The following WDR62 variants were observed in gnomAD, a reference collection of about 807,000 sequenced individuals.
WDR62 encodes the protein WD repeat domain 62, also known as WD repeat-containing protein 62.
WDR62 carries 112 observed loss-of-function variants against 160.6 expected under a neutral mutation model. The ratio of observed to expected loss-of-function variants is 0.70; its 90% CI spans 0.60 to 0.82. The LOEUF is 0.82. Ranked by LOEUF, WDR62 falls within the 40% of genes least tolerant of loss-of-function variation. WDR62 has a pLI of 0.00. For missense variants in WDR62, 1,819 were observed against 1,983.8 expected (o/e 0.92, Z 1.58); for synonymous variants, 792 against 815.1 (o/e 0.97, Z 0.48).
At position 36,102,129 on chromosome 19, in the gene WDR62, A is replaced by G. The variant is rs377379107; in HGVS notation, c.3198A>G (p.Thr1066=). Residue 1066 remains threonine, a synonymous_variant, in exon 26 of 32, where the codon ACA becomes ACG. Coordinates refer to ENST00000401500, the MANE Select transcript of WDR62 (RefSeq NM_001083961.2). ...QEKFLRHHFE[T]LTESPCRELF... is the part of the protein sequence containing the mutation. Reference sequence around the variant, plus strand: ...AGTTCCTCCGCCACCACTTTGAGACACTGACTGAGTCCCCCTGCAGAGGTA... The same window carrying G: ...AGTTCCTCCGCCACCACTTTGAGACGCTGACTGAGTCCCCCTGCAGAGGTA... The G allele has an allele frequency of 5.0e-6, 8 of 1,613,926 alleles. No individual in the cohort carries two copies. The highest frequency in any genetic ancestry group is 1.6e-4 in the Middle Eastern group (1 of 6,084).
intron 9 of WDR62, among the ~76,000 whole-genome samples, chr19:36,074,709 G>C (rs751612017): frequency 6.6e-6 from 1 of 152,054 alleles, no homozygotes; most frequent in Non-Finnish European, 1.5e-5. Flanking sequence ...GCCTTCATGG[G>C]GCTGACGTTT....
At chr19:36,089,361 C>T in intron 15 of WDR62, 55 bp downstream of exon 15, 2 of 1,613,852 alleles carry the variant, frequency 1.2e-6, no homozygotes, top group East Asian at 2.2e-5. Context: ...CCTAGGCTGT[C>T]TGCTTTCCTC....
intron 9 of WDR62, among the ~76,000 whole-genome samples, chr19:36,077,539 C>T (rs1405994313): frequency 6.6e-6 from 1 of 152,048 alleles, no homozygotes; most frequent in East Asian, 1.9e-4. Flanking sequence ...CTCAGCCTCC[C>T]AAAGTGGTGG....
At chr19:36,064,778 G>C (rs377441445) in intron 3 of WDR62, among the ~76,000 whole-genome samples, 1 of 151,226 alleles carries the variant, frequency 6.6e-6, no homozygotes, top group Non-Finnish European at 1.5e-5. Flanking sequence ...GGGTTTTGTC[G>C]TGTTGGCCAG....
rs758904650 is a variant in WDR62 at position 36,103,738 on chromosome 19, G to A, written c.3910G>A (p.Ala1304Thr). The part of the protein sequence containing the change: ...RANLRLTLSS[A>T]CDGLLQPPVD... The stretch of plus-strand genomic sequence containing the variant: ...CAACCTGAGACTGACCCTGTCAAGT[G>A]CCTGTGATGGGCTCCTGCAGCCCCC... Residue 1304 changes from alanine (A) to threonine (T), a missense_variant, in exon 30 of 32, where the codon GCC (alanine) becomes ACC (threonine). Ala to Thr is a moderately conservative substitution (Grantham distance 58, BLOSUM62 0). Around this residue, in one of 3 missense-constraint regions of WDR62, gnomAD observed 770 missense variants for 734.2 expected, o/e 1.05. Transcript: ENST00000401500. 9.9e-6 allele frequency: 16 copies of A among 1,611,408 alleles called. No individual in the cohort carries two copies. Among genetic ancestry groups the A allele is most frequent in the Non-Finnish European group, 1.4e-5 (16 of 1,179,962 alleles).
At chr19:36,082,918 A>C in intron 10 of WDR62, 145 bp from the exon 11 acceptor site, 1 of 712,184 alleles carries the variant, frequency 1.4e-6, no homozygotes, top group Non-Finnish European at 2.5e-6. Context: ...AGGGGAGGCA[A>C]GGAAATAATT....
intron 13 of WDR62, among the ~76,000 whole-genome samples, chr19:36,087,534 A>G (rs891496622): frequency 1.3e-5 from 2 of 150,896 alleles, no homozygotes; most frequent in African/African-American, 2.4e-5. Context: ...AGAAGAATAT[A>G]GGCCGGGCGT....
At chr19:36,110,453 A>T in the WDR62 span, among the ~76,000 whole-genome samples, 1 of 152,172 alleles carries the variant, frequency 6.6e-6, no homozygotes, top group African/African-American at 2.4e-5. Flanking sequence ...CCTGGGCAAC[A>T]AGAGTGAAAC....
chr19:36,084,778 G>A, intron 12 of WDR62, 34 bp downstream of exon 12: 1 of 1,594,176 alleles, frequency 6.3e-7, no homozygotes. Flanking sequence ...TGGGGGTCAG[G>A]CAGGGAGGCA....
At position 36,083,173 on chromosome 19, in the gene WDR62, G is replaced by C. The variant is rs767132775; in HGVS notation, c.1482G>C (p.Gly494=). The C allele has an allele frequency of 4.3e-6, 7 of 1,612,332 alleles. No individual in the cohort carries two copies. The South Asian group carries it at 5.5e-5, about 13-fold the overall frequency. Residue 494 remains glycine (G), a synonymous_variant, in exon 11 of 32, where the codon GGG becomes GGC. Coordinates refer to ENST00000401500, the MANE Select transcript of WDR62 (RefSeq NM_001083961.2). ...ENGTPMDVKA[G]VRVMQVSPDG... is the part of the protein sequence containing the mutation. ...GGACACCCATGGACGTGAAAGCCGG[G>C]GTGCGGGTCATGCAGGTCAGTCCTG...
intron 22 of WDR62, among the ~76,000 whole-genome samples, chr19:36,100,112 T>C (rs559588083): frequency 6.6e-6 from 1 of 152,336 alleles, no homozygotes; most frequent in Non-Finnish European, 1.5e-5. Context: ...TTTTTAAATT[T>C]TTTTGTTTGT....
At position 36,091,399 on chromosome 19, in the gene WDR62, C is replaced by T. The variant is rs778753612; in HGVS notation, c.2147-3C>T. 12 of 1,443,302 alleles carry T rather than the reference C, an allele frequency of 8.3e-6. No individual in the cohort carries two copies. Among genetic ancestry groups the T allele is most frequent in the Non-Finnish European group, 1.1e-5 (12 of 1,074,292 alleles). The allele number at this position is 1,443,302 out of a possible 1,614,324, so 89.4% of individuals were successfully genotyped here. A position where few individuals can be genotyped will look rare whatever the true frequency, so the allele number is the denominator to read the frequency against. On this transcript the variant is annotated splice_region_variant and splice_polypyrimidine_tract_variant and intron_variant, in intron 17 of 31. Coordinates refer to ENST00000401500, the MANE Select transcript of WDR62 (RefSeq NM_001083961.2). ...AAGTGCAGCCTCTCTGCTTTGTTTG[C>T]AGAAATTATTACCAGCATGAAGTTC...
At chr19:36,085,822 A>G (rs1320369752) in intron 12 of WDR62, among the ~76,000 whole-genome samples, 1 of 152,098 alleles carries the variant, frequency 6.6e-6, no homozygotes, top group African/African-American at 2.4e-5. Flanking sequence ...CCCAGATGAT[A>G]TATGGATGAT....
At chr19:36,103,109 G>A (rs1973484261) in intron 28 of WDR62, 35 bp downstream of exon 28, 1 of 1,613,928 alleles carries the variant, frequency 6.2e-7, no homozygotes, top group African/African-American at 1.3e-5. Flanking sequence ...AGGGCACGGG[G>A]CTGGGAACCC....
chr19:36,069,536 A>C (rs1568332946), intron 7 of WDR62, among the ~76,000 whole-genome samples: 3 of 150,874 alleles, frequency 2.0e-5, no homozygotes, highest in Non-Finnish European at 4.4e-5. Flanking sequence ...GGCTCCTCAC[A>C]TCCCAGACGA....
In WDR62 at chr19:36,102,740, T is replaced by C. The variant is rs1443056392; in HGVS notation, c.3224T>C (p.Leu1075Pro). 2.5e-6 allele frequency: 4 copies of C among 1,613,914 alleles called. No individual in the cohort carries two copies. In the African/African-American group the frequency reaches 5.3e-5, roughly 22 times the overall value. Residue 1075 changes from leucine to proline, a missense_variant, in exon 27 of 32, where the codon CTC becomes CCC. Coordinates refer to ENST00000401500, the MANE Select transcript of WDR62 (RefSeq NM_001083961.2). Reference protein sequence around the residue: ...ETLTESPCRELFPAALGDVEA... With the variant: ...ETLTESPCREPFPAALGDVEA... ...TCCCCTCGGGATCTTCCCCTAGAGC[T>C]CTTCCCCGCAGCTCTGGGAGACGTG...
intron 21 of WDR62, among the ~76,000 whole-genome samples, chr19:36,098,380 C>T (rs1335656224): frequency 6.6e-6 from 1 of 151,402 alleles, no homozygotes; most frequent in Non-Finnish European, 1.5e-5. Flanking sequence ...TCCCGGTCAA[C>T]ATGGTAAAAC....
In WDR62 at chr19:36,071,565, T is replaced by C. The variant is rs762909874; in HGVS notation, c.892T>C (p.Ser298Pro). ...EKWINLKVSL[S>P]SCLCVSQELI... The stretch of plus-strand genomic sequence containing the variant: ...CCTTTTGCCCCTACAGGTCTCCCTG[T>C]CTTCCTGCCTCTGTGTCAGCCAGGA... The change falls in exon 8 of 32, where the codon TCT becomes CCT. Residue 298 changes from serine (S) to proline (P), a missense_variant. Physicochemically the swap from Ser to Pro is moderately conservative, Grantham distance 74 (BLOSUM62 -1). Transcript: ENST00000401500. 2.5e-6 allele frequency: 4 copies of C among 1,614,250 alleles called. No individual in the cohort carries two copies. The highest frequency in any genetic ancestry group is 2.2e-5 in the South Asian group (2 of 91,084).
At chr19:36,070,699 A>T (rs1356712813) in intron 7 of WDR62, 3 of 152,240 alleles carry the variant, frequency 2.0e-5, no homozygotes, top group African/African-American at 7.2e-5. Flanking sequence ...TTTTCAAGCA[A>T]GTGAAAAGCT....
Sources: allele counts gnomAD v4.1 joint callset (sites outside exome capture counted in the v4.1 genomes callset), GRCh38; gene constraint gnomAD v4.1.1; regional missense constraint gnomAD v4.1.1; transcripts MANE v1.5; gene names NCBI Gene and HGNC (gene_info 2026-07-23, HGNC 2026-07-21).